Variants in SNAP91 observed in about 807,000 individuals in gnomAD.
The protein encoded by SNAP91 is clathrin coat assembly protein AP180.
Under a neutral mutation model 100.3 loss-of-function variants are expected in SNAP91, and 27 were observed. The ratio of observed to expected loss-of-function variants is 0.27; its 90% CI spans 0.20 to 0.37. SNAP91 has a LOEUF of 0.37. Among genes scored for constraint, SNAP91 ranks in the 10% least tolerant of loss-of-function variants. The pLI is 1.00. For missense variants in SNAP91, 986 were observed against 1,123.7 expected, an observed-to-expected ratio of 0.88 and a Z score of 1.75; for synonymous variants, 404 against 398.6, an observed-to-expected ratio of 1.01 and a Z score of -0.16.
At chr6:83,701,609 G>C (rs488311) in intron 2 of SNAP91, among the ~76,000 whole-genome samples, 1 of 151,980 alleles carries the variant, frequency 6.6e-6, no homozygotes, top group Admixed American at 6.6e-5. Flanking sequence ...ACCACACCTG[G>C]CTAACTTTTT....
chr6:83,584,162 A>G (rs995998127), intron 22 of SNAP91, among the ~76,000 whole-genome samples: 8 of 152,196 alleles, frequency 5.3e-5, no homozygotes, highest in Non-Finnish European at 8.8e-5. Context: ...CCCGTACCTC[A>G]AGTTGGAATT....
chr6:83,605,711 G>C lies in SNAP91; in HGVS notation c.1115C>G (p.Pro372Arg), dbSNP rs540611975. ...AAAAAPAPPP[P>R]AGGATAWGDL... ...TCCCCATGCAGTGGCTCCTCCAGCA[G>C]GTGGTGGTGGTGCTGGTGCTGCGGC... Residue 372 changes from proline to arginine, a missense_variant, in exon 14 of 30, where the codon CCT becomes CGT. Around this residue, in one of 4 missense-constraint regions of SNAP91, gnomAD observed 575 missense variants for 579.9 expected, o/e 0.99. Coordinates refer to ENST00000369694, the MANE Select transcript of SNAP91 (RefSeq NM_001242792.2). The C allele has an allele frequency of 1.8e-5, 28 of 1,551,092 alleles. No individual in the cohort carries two copies. Among genetic ancestry groups the C allele is most frequent in the Admixed American group, 3.9e-5 (2 of 51,040 alleles).
At chr6:83,673,235 TA>T (rs1445537264) in intron 2 of SNAP91, among the ~76,000 whole-genome samples, 5 of 152,162 alleles carry the variant, frequency 3.3e-5, no homozygotes, top group Non-Finnish European at 7.3e-5. Flanking sequence ...TGTTGAAATC[TA>T]CCCCCAATGT....
intron 2 of SNAP91, among the ~76,000 whole-genome samples, chr6:83,702,414 G>A (rs2099325716): frequency 6.6e-6 from 1 of 152,120 alleles, no homozygotes; most frequent in African/African-American, 2.4e-5. Context: ...TTTATGAAAA[G>A]CTAAAAGAGA....
intron 7 of SNAP91, among the ~76,000 whole-genome samples, chr6:83,652,918 C>A (rs1019175373): frequency 1.3e-5 from 2 of 152,310 alleles, no homozygotes; most frequent in South Asian, 4.1e-4. Context: ...ACTCCATTCA[C>A]TTCTTGTTTG....
At chr6:83,598,565 T>A (rs1019142456) in intron 16 of SNAP91, among the ~76,000 whole-genome samples, 1 of 152,186 alleles carries the variant, frequency 6.6e-6, no homozygotes, top group Non-Finnish European at 1.5e-5. Context: ...TCTAAAGAAA[T>A]CTACTTAGTT....
At chr6:83,622,123 G>A (rs1027339212) in intron 9 of SNAP91, among the ~76,000 whole-genome samples, 4 of 151,780 alleles carry the variant, frequency 2.6e-5, no homozygotes, top group African/African-American at 7.3e-5. Flanking sequence ...TATGTGCCTC[G>A]TCAAAAAACA....
chr6:83,646,258 T>C (rs1352912199), intron 7 of SNAP91, among the ~76,000 whole-genome samples: 2 of 152,218 alleles, frequency 1.3e-5, no homozygotes, highest in South Asian at 2.1e-4. Context: ...ATTTCTTCCA[T>C]GGATCACACC....
At chr6:83,634,536 A>C (rs1451942778) in intron 8 of SNAP91, among the ~76,000 whole-genome samples, 1 of 152,000 alleles carries the variant, frequency 6.6e-6, no homozygotes. Context: ...CTGGAGCAAA[A>C]ATTCACAATG....
chr6:83,572,056 C>T (rs375598684), intron 26 of SNAP91, among the ~76,000 whole-genome samples: 29 of 152,106 alleles, frequency 1.9e-4, no homozygotes, highest in Admixed American at 4.6e-4. Context: ...AGCCATGAGT[C>T]CATTAAACCT....
At chr6:83,576,111 G>A in intron 24 of SNAP91, 58 bp from the exon 25 acceptor site, 1 of 888,266 alleles carries the variant, frequency 1.1e-6, no homozygotes, top group South Asian at 1.8e-5. Context: ...TATATGATAT[G>A]ACATTTAAAA....
intron 12 of SNAP91, among the ~76,000 whole-genome samples, chr6:83,609,462 C>G (rs2095851295): frequency 6.6e-6 from 1 of 152,116 alleles, no homozygotes; most frequent in South Asian, 2.1e-4. Flanking sequence ...CTGAGGGGAT[C>G]TTAGGCAGCC....
intron 16 of SNAP91, among the ~76,000 whole-genome samples, chr6:83,600,327 G>A (rs1464929920): frequency 1.3e-5 from 2 of 152,048 alleles, no homozygotes; most frequent in Admixed American, 6.6e-5. Flanking sequence ...GTTCCCAGGG[G>A]TACATATTGA....
chr6:83,694,460 G>A (rs73486967), intron 2 of SNAP91, among the ~76,000 whole-genome samples: 529 of 152,220 alleles, frequency 3.5e-3, no homozygotes, highest in African/African-American at 0.012. Context: ...ACTAGCTCCT[G>A]GTATTCCCAA....
At chr6:83,656,416 T>C (rs986630551) in intron 7 of SNAP91, among the ~76,000 whole-genome samples, 2 of 152,132 alleles carry the variant, frequency 1.3e-5, no homozygotes, top group African/African-American at 2.4e-5. Context: ...GAGTCCTCAG[T>C]TGGCCAACAC....
At chr6:83,572,438 A>G (rs1375559834) in intron 26 of SNAP91, among the ~76,000 whole-genome samples, 1 of 151,986 alleles carries the variant, frequency 6.6e-6, no homozygotes, top group African/African-American at 2.4e-5. Flanking sequence ...TTTGGTAGAG[A>G]TGGGGTTTCA....
rs1380489354 is a variant in SNAP91, at chr6:83,593,534, G to A, written c.1640C>T (p.Thr547Ile). 2.6e-6 allele frequency: 4 copies of A among 1,553,314 alleles called. No individual in the cohort carries two copies. In the South Asian group the frequency reaches 4.7e-5, roughly 18 times the overall value. ...TAATAAATTT[T>I]TTSAATATTA... is the part of the protein sequence containing the mutation. ...GGTGGCGGTGGCAGCGGAGGTGGTG[G>A]TAGTGGTGGTGGCAGCGGCGGTGGC... Residue 547 changes from threonine to isoleucine, a missense_variant, in exon 18 of 30, where the codon ACC becomes ATC. Thr to Ile is a moderately conservative substitution (Grantham distance 89). Around this residue, in one of 4 missense-constraint regions of SNAP91, gnomAD observed 575 missense variants for 579.9 expected, o/e 0.99. Coordinates refer to ENST00000369694, the MANE Select transcript of SNAP91 (RefSeq NM_001242792.2).
chr6:83,698,095 A>G (rs553914443), intron 2 of SNAP91, among the ~76,000 whole-genome samples: 2 of 152,284 alleles, frequency 1.3e-5, no homozygotes, highest in East Asian at 1.9e-4. Flanking sequence ...CAAAGGCCCA[A>G]AAGTAATGCA....
Position 83,665,505 on chromosome 6 carries a change from G to C in SNAP91, c.207C>G (p.Asn69Lys). 1 of 1,612,790 alleles carries C rather than the reference G, an allele frequency of 6.2e-7. No homozygotes were observed. Among genetic ancestry groups the C allele is most frequent in the South Asian group, 1.1e-5 (1 of 91,046 alleles). Residue 69 changes from asparagine (N) to lysine (K), a missense_variant, in exon 3 of 30, where the codon AAC (asparagine) becomes AAG (lysine). Asn to Lys is a moderately conservative substitution (Grantham distance 94). Coordinates refer to ENST00000369694, the MANE Select transcript of SNAP91 (RefSeq NM_001242792.2). The stretch of plus-strand genomic sequence containing the variant: ...CCTTAAACACAACCACCCAGCTACT[G>C]TTTGTTGCCCGCTCAAAGAGAGTGT... The part of the protein sequence containing the change: ...MADTLFERAT[N>K]SSWVVVFKAL...
Sources: gnomAD v4.1 joint callset for allele counts (sites outside exome capture counted in the v4.1 genomes callset) on GRCh38, gnomAD v4.1.1 for gene constraint, gnomAD v4.1.1 regional missense constraint, MANE v1.5 for transcripts, NCBI Gene and HGNC (gene_info 2026-07-23, HGNC 2026-07-21) for gene names.